Variants in TPR observed in about 807,000 individuals in gnomAD.
TPR encodes the protein nucleoprotein TPR.
TPR carries 51 observed loss-of-function variants against 316.1 expected under a neutral mutation model. That is an observed-to-expected ratio of 0.16 (90% CI 0.13 to 0.20). The LOEUF is 0.20. TPR is among the 10% of genes least tolerant of loss of function. The pLI, the probability that TPR is intolerant of heterozygous loss-of-function variation, is 1.00. For synonymous variants in TPR, 981 were observed against 914.7 expected, an observed-to-expected ratio of 1.07 and a Z score of -1.31; for missense variants, 2,272 against 2,754.8, an observed-to-expected ratio of 0.82 and a Z score of 3.92.
intron 4 of TPR, among the ~76,000 whole-genome samples, chr1:186,365,102 C>CTTTTTT (rs61369492): frequency 0.016 from 2,223 of 137,140 alleles, 85 homozygotes; most frequent in African/African-American, 0.031. Flanking sequence ...AGGGGCTGCC[C>CTTTTTT]TTTTTTTTTT....
At position 186,345,694 on chromosome 1, in the gene TPR, T is replaced by C. The variant is rs771507119; in HGVS notation, c.3099A>G (p.Leu1033=). Residue 1033 remains leucine (L), a splice_region_variant and synonymous_variant, in exon 24 of 51, where the codon TTA becomes TTG. Coordinates refer to ENST00000367478, the MANE Select transcript of TPR (RefSeq NM_003292.3). ...RRAIESMEQQ[L]SELKKTLSSV... is the part of the protein sequence containing the mutation. Reference sequence around the variant, plus strand: ...TAGAAAGTGTTTTCTTCAATTCAGATAACTAAGCAGAAAGAACAAGATTAA... The same window carrying C: ...TAGAAAGTGTTTTCTTCAATTCAGACAACTAAGCAGAAAGAACAAGATTAA... The C allele has an allele frequency of 6.2e-7, 1 of 1,603,042 alleles. No individual in the cohort carries two copies. Among genetic ancestry groups the C allele is most frequent in the Non-Finnish European group, 8.5e-7 (1 of 1,171,468 alleles).
rs1429867924 is a variant in TPR, at chr1:186,343,994, C to A, written c.3514G>T (p.Ala1172Ser). 1.9e-6 allele frequency: 3 copies of A among 1,614,056 alleles called. No homozygotes were observed. The highest frequency in any genetic ancestry group is 1.3e-5 in the African/African-American group (1 of 74,930). The change falls in exon 26 of 51, where the codon GCC becomes TCC. Residue 1172 changes from alanine to serine, a missense_variant. Ala to Ser is a moderately conservative substitution (Grantham distance 99). Transcript: ENST00000367478. Reference sequence around the variant, plus strand: ...CCTTGTACACCTTCCTTCACAGAGGCAACGACCTTGTCACTTAATTTTTCG... The same window carrying A: ...CCTTGTACACCTTCCTTCACAGAGGAAACGACCTTGTCACTTAATTTTTCG... ...QIEKLSDKVV[A>S]SVKEGVQGPL... is the part of the protein sequence containing the mutation.
rs1363443774 is a variant in TPR at position 186,327,116 on chromosome 1, TA to T, written c.5889+343del. 3.5e-3 allele frequency among the ~76,000 whole-genome samples: 60 copies of T among 17,252 alleles called. 13 individuals carry two copies. Among genetic ancestry groups the T allele is most frequent in the East Asian group, 6.9e-3 (4 of 576 alleles). The allele number at this position is 17,252 out of a possible 152,430, so 11.3% of individuals were successfully genotyped here. ...TATATATTATATATATAAATATATA[TA>T]AATATATAACATATATATTATATAT... On this transcript the variant is annotated intron_variant, in intron 40 of 50. Coordinates refer to ENST00000367478, the MANE Select transcript of TPR (RefSeq NM_003292.3).
At chr1:186,324,151 TA>T (rs1213201226) in intron 42 of TPR, among the ~76,000 whole-genome samples, 1 of 152,166 alleles carries the variant, frequency 6.6e-6, no homozygotes, top group Admixed American at 6.5e-5. Context: ...CTGGTGTTTC[TA>T]AAATGGTTTT....
chr1:186,362,174 C>A, intron 7 of TPR, 114 bp downstream of exon 7: 1 of 806,754 alleles, frequency 1.2e-6, no homozygotes, highest in Non-Finnish European at 1.9e-6. Flanking sequence ...AAGGAGGACT[C>A]TCACTGTTTT....
rs200236758 is a variant in TPR at position 186,320,379 on chromosome 1, C to T, written c.6501G>A (p.Gly2167=). The change falls in exon 46 of 51, where the codon GGG becomes GGA. Residue 2167 remains glycine (G), a synonymous_variant. Coordinates refer to ENST00000367478, the MANE Select transcript of TPR (RefSeq NM_003292.3). ...TTGTTTGTGGCATATCTTCAGGTGG[C>T]CCAAACCGGAATCTAGGGACACCAG... is the stretch of plus-strand genomic sequence containing the variant. ...QVAGVPRFRF[G]PPEDMPQTSS... 1.5e-4 allele frequency: 243 copies of T among 1,612,434 alleles called. 2 individuals carry two copies. In the East Asian group the frequency reaches 4.9e-3, roughly 32 times the overall value.
intron 3 of TPR, among the ~76,000 whole-genome samples, chr1:186,368,616 A>G (rs187080908): frequency 6.6e-6 from 1 of 152,340 alleles, no homozygotes; most frequent in Admixed American, 6.5e-5. Context: ...TCTCAAAAAC[A>G]AAAAACTTGT....
Position 186,343,898 on chromosome 1 carries a change from T to C in TPR, c.3602+8A>G, listed in dbSNP as rs200461677. The C allele has an allele frequency of 1.7e-3, 2,716 of 1,609,890 alleles. 6 individuals are homozygous for C. The highest frequency in any genetic ancestry group is 2.6e-3 in the Middle Eastern group (16 of 6,050). ...CCACAGAAATGAAGCAGTAAGAACATGATTTACCTGAGAATTTCCAAAATT... is the reference window on the plus strand; with the variant it reads ...CCACAGAAATGAAGCAGTAAGAACACGATTTACCTGAGAATTTCCAAAATT... On this transcript the variant is annotated splice_region_variant and intron_variant, in intron 26 of 50. Coordinates refer to ENST00000367478, the MANE Select transcript of TPR (RefSeq NM_003292.3).
chr1:186,362,365 C>T lies in TPR; in HGVS notation c.712G>A (p.Glu238Lys), dbSNP rs1486213119. The change falls in exon 7 of 51, where the codon GAA becomes AAA. Residue 238 changes from glutamate to lysine, a missense_variant. Coordinates refer to ENST00000367478, the MANE Select transcript of TPR (RefSeq NM_003292.3). The part of the protein sequence containing the change: ...NKKEEVSRLE[E>K]QMNGLKTSNE... ...GATGTTTTTAAGCCATTCATTTGTT[C>T]TTCCAGTCTAGAAACCTAAAAACAA... The T allele has an allele frequency of 1.2e-6, 2 of 1,611,426 alleles. No homozygotes were observed. The highest frequency in any genetic ancestry group is 2.7e-5 in the African/African-American group (2 of 74,776).
Position 186,367,985 on chromosome 1 carries a change from G to A in TPR, c.331-3C>T. 6.2e-7 allele frequency: 1 copy of A among 1,603,140 alleles called. No homozygotes were observed. The highest frequency in any genetic ancestry group is 8.5e-7 in the Non-Finnish European group (1 of 1,174,726). ...TCCTTTGTTCTTGTAAATTGGCTCT[G>A]TCATATAAAGAAGTAATAAGTAAGA... On this transcript the variant is annotated splice_polypyrimidine_tract_variant and splice_region_variant and intron_variant, in intron 3 of 50. Coordinates refer to ENST00000367478, the MANE Select transcript of TPR (RefSeq NM_003292.3).
intron 46 of TPR, among the ~76,000 whole-genome samples, chr1:186,319,385 A>C (rs1345719674): frequency 6.6e-6 from 1 of 152,198 alleles, no homozygotes; most frequent in African/African-American, 2.4e-5. Context: ...AGTTTCATAC[A>C]AGCTAATTTT....
At chr1:186,349,675 A>C (rs988621238) in intron 21 of TPR, among the ~76,000 whole-genome samples, 2 of 151,094 alleles carry the variant, frequency 1.3e-5, no homozygotes, top group South Asian at 4.2e-4. Flanking sequence ...AAAAAAAAAA[A>C]ATAAATAAAT....
In TPR at chr1:186,312,129, T is replaced by C. The variant is rs376436154; in HGVS notation, c.*1842A>G. ...TTGTTTTCCACCTTTTCTGAGGGTA[T>C]TAAAATTAATTTTCATTTTCCATGT... On this transcript the variant is annotated 3_prime_UTR_variant, in exon 51 of 51. Coordinates refer to ENST00000367478, the MANE Select transcript of TPR (RefSeq NM_003292.3). 1.3e-6 allele frequency: 2 copies of C among 1,561,704 alleles called. No individual in the cohort carries two copies. The highest frequency in any genetic ancestry group is 8.8e-7 in the Non-Finnish European group (1 of 1,133,804).
chr1:186,360,616 A>G (rs1659157652), intron 10 of TPR, 149 bp downstream of exon 10: 1 of 1,095,032 alleles, frequency 9.1e-7, no homozygotes. Context: ...AGGTAAGAGT[A>G]TTAATTTTAA....
At position 186,353,741 on chromosome 1, in the gene TPR, T is replaced by C; in HGVS notation, c.2281A>G (p.Asn761Asp). The C allele has an allele frequency of 1.2e-6, 2 of 1,614,168 alleles. No individual in the cohort carries two copies. Among genetic ancestry groups the C allele is most frequent in the Non-Finnish European group, 1.7e-6 (2 of 1,180,014 alleles). The change falls in exon 18 of 51, where the codon AAT (asparagine) becomes GAT (aspartate). Residue 761 changes from asparagine (N) to aspartate (D), a missense_variant. Asn to Asp is a conservative substitution (Grantham distance 23). Transcript: ENST00000367478. ...ATTQKQEQII[N>D]TMTQDLRGAN... ...CCTCTCAAATCTTGAGTCATCGTAT[T>C]GATAATCTGTTCTTGCTTTTGAGTT...
chr1:186,334,916 A>G, intron 35 of TPR, 152 bp downstream of exon 35: 1 of 732,662 alleles, frequency 1.4e-6, no homozygotes, highest in Non-Finnish European at 2.1e-6. Flanking sequence ...CAAGCTGGCA[A>G]ATACATGATA....
rs1224584710 is a variant in TPR at position 186,333,388 on chromosome 1, T to C, written c.5189A>G (p.Gln1730Arg). The change falls in exon 37 of 51, where the codon CAG (glutamine) becomes CGG (arginine). Residue 1730 changes from glutamine to arginine, a missense_variant. Gln to Arg is a conservative substitution (Grantham distance 43). Around this residue, in one of 10 missense-constraint regions of TPR, gnomAD observed 435 missense variants for 461.1 expected, o/e 0.94. Transcript: ENST00000367478. Reference sequence around the variant, plus strand: ...AACATGTTCCACAGGCCCTTCTGACTGCATAGCTGAAAAATAATTATAATG... The same window carrying C: ...AACATGTTCCACAGGCCCTTCTGACCGCATAGCTGAAAAATAATTATAATG... ...TTQVESQEAM[Q>R]SEGPVEHVPV... The C allele has an allele frequency of 1.2e-6, 2 of 1,612,856 alleles. No homozygotes were observed. Among genetic ancestry groups the C allele is most frequent in the Non-Finnish European group, 8.5e-7 (1 of 1,179,252 alleles).
At chr1:186,339,394 T>TCTA (rs60086213) in intron 30 of TPR, among the ~76,000 whole-genome samples, 149,420 of 152,140 alleles carry the variant, frequency 0.98, 73,398 homozygotes, top group African/African-American at 1. Context: ...GCTTTAGACT[T>TCTA]CTGAGTAGCT....
chr1:186,354,612 A>C (rs922055480), intron 17 of TPR, among the ~76,000 whole-genome samples: 14 of 152,212 alleles, frequency 9.2e-5, no homozygotes, highest in Admixed American at 7.9e-4. Flanking sequence ...TACTATATAA[A>C]AATAAATATT....
Sources: gnomAD v4.1 joint callset for allele counts (sites outside exome capture counted in the v4.1 genomes callset) on GRCh38, gnomAD v4.1.1 for gene constraint, gnomAD v4.1.1 regional missense constraint, MANE v1.5 for transcripts, NCBI Gene and HGNC (gene_info 2026-07-23, HGNC 2026-07-21) for gene names.